PLXNB1: variants seen among roughly 807,000 people sequenced by gnomAD.
PLXNB1 encodes plexin-B1.
PLXNB1 carries 106 observed loss-of-function variants against 209.4 expected under a neutral mutation model. That is an observed-to-expected ratio of 0.51 (90% confidence interval 0.43 to 0.59). The LOEUF is 0.59. PLXNB1 is among the 20% of genes least tolerant of loss of function. PLXNB1 has a pLI of 0.00. For missense variants in PLXNB1, 2,357 were observed against 2,853.2 expected, an observed-to-expected ratio of 0.83 and a Z score of 3.96; for synonymous variants, 1,167 against 1,183.2, an observed-to-expected ratio of 0.99 and a Z score of 0.28.
rs759171745 is a variant in PLXNB1, at chr3:48,416,322, G to A, written c.3480+24C>T. ...CAGAGAGGTTGGCCCGCTGGCAGCTGGGGGTGGCTCAGCAGTCAGGTACCT... is the reference window on the plus strand; with the variant it reads ...CAGAGAGGTTGGCCCGCTGGCAGCTAGGGGTGGCTCAGCAGTCAGGTACCT... On this transcript the variant is annotated intron_variant, in intron 17 of 37. Coordinates refer to ENST00000296440, the MANE Select transcript of PLXNB1 (RefSeq NM_001130082.3). The surrounding 1 kb of genome is among the most constrained non-coding windows in gnomAD (Gnocchi z 4.1). The A allele has an allele frequency of 3.8e-6, 6 of 1,586,750 alleles. No individual in the cohort carries two copies. Among genetic ancestry groups the A allele is most frequent in the Non-Finnish European group, 4.3e-6 (5 of 1,157,934 alleles).
chr3:48,422,063 G>T, intron 6 of PLXNB1, 42 bp downstream of exon 6: 1 of 1,536,958 alleles, frequency 6.5e-7, no homozygotes, highest in South Asian at 1.1e-5. Context: ...CAGGAGCATT[G>T]TGGGCTTGAG....
At position 48,415,826 on chromosome 3, in the gene PLXNB1, A is replaced by T. The variant is rs112725700; in HGVS notation, c.3618-67T>A. On this transcript the variant is annotated intron_variant, in intron 18 of 37. Transcript: ENST00000296440. The surrounding 1 kb of genome is among the most constrained non-coding windows in gnomAD (Gnocchi z 5.0). ...GAAAACTTGGACCACTCAGGCCCCAACTGGCTTCCCTCAAGCGCTGACTGC... is the reference window on the plus strand; with the variant it reads ...GAAAACTTGGACCACTCAGGCCCCATCTGGCTTCCCTCAAGCGCTGACTGC... 289 of 1,459,780 alleles carry T rather than the reference A, an allele frequency of 2.0e-4. No homozygotes were observed. In the African/African-American group the frequency reaches 3.2e-3, roughly 16 times the overall value. 90.4% of individuals were successfully genotyped at this position (1,459,780 alleles called of 1,614,324 possible). A position where few individuals can be genotyped will look rare whatever the true frequency, so the allele number is the denominator to read the frequency against.
In PLXNB1 at chr3:48,412,881, G is replaced by C. The variant is rs771895126; in HGVS notation, c.4715C>G (p.Ala1572Gly). 2 of 1,613,794 alleles carry C rather than the reference G, an allele frequency of 1.2e-6. No individual in the cohort carries two copies. Among genetic ancestry groups the C allele is most frequent in the African/African-American group, 2.7e-5 (2 of 74,898 alleles). ...GIPFLDYKVY[A>G]ERIFFPGHRE... ...GTGCCCAGGGAAGAAGATCCTCTCC[G>C]CATACACCTTGTAGTCGAGGAAGGG... is the stretch of plus-strand genomic sequence containing the variant. Residue 1572 changes from alanine (A) to glycine (G), a missense_variant, in exon 25 of 38, where the codon GCG (alanine) becomes GGG (glycine). By Grantham distance (60) the Ala-to-Gly change is moderately conservative (BLOSUM62 0). Around this residue, in one of 7 missense-constraint regions of PLXNB1, gnomAD observed 743 missense variants for 896.2 expected, o/e 0.83. Coordinates refer to ENST00000296440, the MANE Select transcript of PLXNB1 (RefSeq NM_001130082.3).
Position 48,418,356 on chromosome 3 carries a change from C to T in PLXNB1, c.3057G>A (p.Leu1019=), listed in dbSNP as rs755408477. 3 of 1,613,682 alleles carry T rather than the reference C, an allele frequency of 1.9e-6. No homozygotes were observed. Among genetic ancestry groups the T allele is most frequent in the Non-Finnish European group, 2.5e-6 (3 of 1,180,026 alleles). ...CTCCATGTCCCACGGAACAGTCATA[C>T]AGTACCACTGGGGGTGGCAGAGACA... ...VDSAEGLHVV[L]YDCSVGHGDC... The change falls in exon 15 of 38, where the codon CTG becomes CTA. Residue 1019 remains leucine, a synonymous_variant. Coordinates refer to ENST00000296440, the MANE Select transcript of PLXNB1 (RefSeq NM_001130082.3). The surrounding 1 kb of genome is among the most constrained non-coding windows in gnomAD (Gnocchi z 6.6).
At position 48,414,996 on chromosome 3, in the gene PLXNB1, G is replaced by T. The variant is rs369371211; in HGVS notation, c.4012C>A (p.Arg1338Ser). 1 of 1,613,622 alleles carries T rather than the reference G, an allele frequency of 6.2e-7. No individual in the cohort carries two copies. Among genetic ancestry groups the T allele is most frequent in the Non-Finnish European group, 8.5e-7 (1 of 1,179,998 alleles). Residue 1338 changes from arginine (R) to serine (S), a missense_variant, in exon 21 of 38, where the codon CGC becomes AGC. Arg to Ser is a moderately radical substitution (Grantham distance 110). Transcript: ENST00000296440. ...GGCAGGCCTGGGAGGGCAGGTGTGC[G>T]GCACGTGATGAGCTGGGAGGAGTTG... The part of the protein sequence containing the change: ...HVNSSQLITC[R>S]TPALPGLPED...
Position 48,421,791 on chromosome 3 carries a change from A to T in PLXNB1, c.1536T>A (p.Ser512=). ...CVLLGRCSRR[S]ECSRGQGPEQ... ...CTGGGCCCTGGCCCCTCGAGCACTCAGAACGGCGACTGCACCTGGGCGAGA... is the reference window on the plus strand; with the variant it reads ...CTGGGCCCTGGCCCCTCGAGCACTCTGAACGGCGACTGCACCTGGGCGAGA... The change falls in exon 7 of 38, where the codon TCT becomes TCA. Residue 512 remains serine, a synonymous_variant. Coordinates refer to ENST00000296440, the MANE Select transcript of PLXNB1 (RefSeq NM_001130082.3). 6.2e-7 allele frequency: 1 copy of T among 1,600,302 alleles called. No homozygotes were observed. The highest frequency in any genetic ancestry group is 8.6e-7 in the Non-Finnish European group (1 of 1,169,202).
In PLXNB1 at chr3:48,419,968, G is replaced by A. The variant is rs144322613; in HGVS notation, c.2318C>T (p.Pro773Leu). ...SPQNGPGTAV[P>L]APTDFRPSAT... ...TGAGGGTCTGAAGTCAGTGGGGGCA[G>A]GGACAGCGGTTCCAGGTCCATTTTG... The change falls in exon 11 of 38, where the codon CCT (proline) becomes CTT (leucine). Residue 773 changes from proline (P) to leucine (L), a missense_variant. Coordinates refer to ENST00000296440, the MANE Select transcript of PLXNB1 (RefSeq NM_001130082.3). This position sits in a 1 kb window ranked among gnomAD's most constrained non-coding sequence, Gnocchi z 5.7. 1.3e-4 allele frequency: 210 copies of A among 1,587,756 alleles called. No individual in the cohort carries two copies. The African/African-American group carries it at 2.1e-3, about 16-fold the overall frequency.
At chr3:48,421,999 CA>C (rs1220029373) in intron 6 of PLXNB1, 105 bp downstream of exon 6, 7 of 1,296,108 alleles carry the variant, frequency 5.4e-6, no homozygotes, top group Non-Finnish European at 6.6e-6. Flanking sequence ...GTCTGGGGAT[CA>C]GGGGTTGAGA....
At position 48,411,127 on chromosome 3, in the gene PLXNB1, G is replaced by T; in HGVS notation, c.5248-91C>A. The T allele has an allele frequency of 8.8e-7, 1 of 1,130,192 alleles. No homozygotes were observed. The highest frequency in any genetic ancestry group is 1.3e-6 in the Non-Finnish European group (1 of 798,492). The allele number at this position is 1,130,192 out of a possible 1,614,324, so 70.0% of individuals were successfully genotyped here. On this transcript the variant is annotated intron_variant, in intron 28 of 37. Transcript: ENST00000296440. This position sits in a 1 kb window ranked among gnomAD's most constrained non-coding sequence, Gnocchi z 4.0. ...GGGCAGAGACAACTCATGAGAAACT[G>T]CTGCCTCCAATCCCCACGCACCACA...
At position 48,415,910 on chromosome 3, in the gene PLXNB1, G is replaced by C. The variant is rs2038061686; in HGVS notation, c.3617+121C>G. 6 of 1,370,102 alleles carry C rather than the reference G, an allele frequency of 4.4e-6. No homozygotes were observed. Among genetic ancestry groups the C allele is most frequent in the Non-Finnish European group, 6.0e-6 (6 of 1,007,538 alleles). 84.9% of individuals were successfully genotyped at this position (1,370,102 alleles called of 1,614,324 possible). ...CACCACAGCTGGCTAGGGAGGGTCT[G>C]GCCACTCTCTGAAGGAGCAGACTGG... On this transcript the variant is annotated intron_variant, in intron 18 of 37. Coordinates refer to ENST00000296440, the MANE Select transcript of PLXNB1 (RefSeq NM_001130082.3). This position sits in a 1 kb window ranked among gnomAD's most constrained non-coding sequence, Gnocchi z 5.0.
At position 48,410,600 on chromosome 3, in the gene PLXNB1, C is replaced by A. The variant is rs902432159; in HGVS notation, c.5417-42G>T. The A allele has an allele frequency of 3.9e-6, 6 of 1,524,612 alleles. No individual in the cohort carries two copies. The highest frequency in any genetic ancestry group is 3.4e-5 in the Admixed American group (2 of 59,682). 94.4% of individuals were successfully genotyped at this position (1,524,612 alleles called of 1,614,324 possible). On this transcript the variant is annotated intron_variant, in intron 29 of 37. Coordinates refer to ENST00000296440, the MANE Select transcript of PLXNB1 (RefSeq NM_001130082.3). The surrounding 1 kb of genome is among the most constrained non-coding windows in gnomAD (Gnocchi z 6.4). ...GAACTGGGTGCAGGGCTGGAAGATA[C>A]CCTTCCCATAGTGGAGCCCATCTCC...
chr3:48,420,092 G>T lies in PLXNB1; in HGVS notation c.2194C>A (p.Leu732Met). The T allele has an allele frequency of 6.2e-7, 1 of 1,613,580 alleles. No homozygotes were observed. Among genetic ancestry groups the T allele is most frequent in the Non-Finnish European group, 8.5e-7 (1 of 1,179,924 alleles). The change falls in exon 11 of 38, where the codon CTG (leucine) becomes ATG (methionine). Residue 732 changes from leucine (L) to methionine (M), a missense_variant. Transcript: ENST00000296440. ...SDISPGASPS[L>M]LSPWGPWAGS... is the part of the protein sequence containing the mutation. ...GCCCATGGCCCCCAGGGGCTGAGCA[G>T]GGAAGGACTAGCCCCAGGTGAGATG... is the stretch of plus-strand genomic sequence containing the variant.
chr3:48,421,143 C>G (rs991957589), intron 8 of PLXNB1, 85 bp downstream of exon 8: 13 of 1,508,676 alleles, frequency 8.6e-6, no homozygotes, highest in Non-Finnish European at 1.2e-5. Flanking sequence ...ATTCATGGCT[C>G]TTTGCCTGGA....
In PLXNB1 at chr3:48,418,575, A is replaced by G. The variant is rs1366853950; in HGVS notation, c.2956-33T>C. The G allele has an allele frequency of 1.3e-6, 2 of 1,536,334 alleles. No homozygotes were observed. Among genetic ancestry groups the G allele is most frequent in the Non-Finnish European group, 1.8e-6 (2 of 1,129,148 alleles). On this transcript the variant is annotated intron_variant, in intron 13 of 37. Transcript: ENST00000296440. This position sits in a 1 kb window ranked among gnomAD's most constrained non-coding sequence, Gnocchi z 6.6. ...AATGGGAGTGGGTTCAGAGTCAAGCACTGGGGGAAGTGTCAGGCCTGGGGA... is the reference window on the plus strand; with the variant it reads ...AATGGGAGTGGGTTCAGAGTCAAGCGCTGGGGGAAGTGTCAGGCCTGGGGA...
chr3:48,411,041 G>A lies in PLXNB1; in HGVS notation c.5248-5C>T. ...AGCCAATAGTGCATTCAAGGTCTGT[G>A]CAGGACACACAGGAGCCATCAGGGT... On this transcript the variant is annotated splice_region_variant and splice_polypyrimidine_tract_variant and intron_variant, in intron 28 of 37. Coordinates refer to ENST00000296440, the MANE Select transcript of PLXNB1 (RefSeq NM_001130082.3). The surrounding 1 kb of genome is among the most constrained non-coding windows in gnomAD (Gnocchi z 4.0). The A allele has an allele frequency of 6.2e-7, 1 of 1,610,032 alleles. No individual in the cohort carries two copies. The highest frequency in any genetic ancestry group is 8.5e-7 in the Non-Finnish European group (1 of 1,177,540).
In PLXNB1 at chr3:48,417,123, G is replaced by C. The variant is rs1257555763; in HGVS notation, c.3375-672C>G. ...CTTCATAAATCACAGCAGTCTTATG[G>C]TCTGGAACACTAACAGTCTAGATAG... On this transcript the variant is annotated intron_variant, in intron 16 of 37. Coordinates refer to ENST00000296440, the MANE Select transcript of PLXNB1 (RefSeq NM_001130082.3). The surrounding 1 kb of genome is among the most constrained non-coding windows in gnomAD (Gnocchi z 4.4). Among the ~76,000 whole-genome samples, 1 of 152,182 alleles carries C rather than the reference G, an allele frequency of 6.6e-6. No individual in the cohort carries two copies. The highest frequency in any genetic ancestry group is 6.5e-5 in the Admixed American group (1 of 15,282).
At position 48,417,778 on chromosome 3, in the gene PLXNB1, G is replaced by A. The variant is rs112675048; in HGVS notation, c.3374+133C>T. ...GTCTTCAGTGGCAACGCTGGCACTC[G>A]GGCATTGTGGCCAGGATCAAGGAAC... On this transcript the variant is annotated intron_variant, in intron 16 of 37. Coordinates refer to ENST00000296440, the MANE Select transcript of PLXNB1 (RefSeq NM_001130082.3). The surrounding 1 kb of genome is among the most constrained non-coding windows in gnomAD (Gnocchi z 4.4). 50 of 990,342 alleles carry A rather than the reference G, an allele frequency of 5.0e-5. No homozygotes were observed. Among genetic ancestry groups the A allele is most frequent in the South Asian group, 3.2e-4 (20 of 63,386 alleles). 61.3% of individuals were successfully genotyped at this position (990,342 alleles called of 1,614,324 possible).
At position 48,409,875 on chromosome 3, in the gene PLXNB1, G is replaced by A; in HGVS notation, c.5778+30C>T. The A allele has an allele frequency of 6.3e-7, 1 of 1,575,290 alleles. No individual in the cohort carries two copies. The highest frequency in any genetic ancestry group is 8.6e-7 in the Non-Finnish European group (1 of 1,165,734). On this transcript the variant is annotated intron_variant, in intron 32 of 37. Transcript: ENST00000296440. The surrounding 1 kb of genome is among the most constrained non-coding windows in gnomAD (Gnocchi z 5.8). ...AGTGGCCATGCTCCCTCTCAGCCCA[G>A]GCCCCACTACCTTGGCAGCCCCACC...
In PLXNB1 at chr3:48,406,086, C is replaced by T; in HGVS notation, c.6229-288G>A. 2.7e-6 allele frequency: 1 copy of T among 364,754 alleles called. No homozygotes were observed. Among genetic ancestry groups the T allele is most frequent in the South Asian group, 2.6e-5 (1 of 38,452 alleles). The allele number at this position is 364,754 out of a possible 1,614,324, so 22.6% of individuals were successfully genotyped here. On this transcript the variant is annotated intron_variant, in intron 36 of 37. Transcript: ENST00000296440. The surrounding 1 kb of genome is among the most constrained non-coding windows in gnomAD (Gnocchi z 4.4). ...GGGTTTCCACTGAAGCCCTGCCTCTCTCACCCCCTTGAGGTTCTAGCCCAG... is the reference window on the plus strand; with the variant it reads ...GGGTTTCCACTGAAGCCCTGCCTCTTTCACCCCCTTGAGGTTCTAGCCCAG...
Sources: allele counts gnomAD v4.1 joint callset (sites outside exome capture counted in the v4.1 genomes callset), GRCh38; gene constraint gnomAD v4.1.1; regional missense constraint gnomAD v4.1.1; non-coding constraint Gnocchi (gnomAD v3.1); transcripts MANE v1.5; gene names NCBI Gene and HGNC (gene_info 2026-07-23, HGNC 2026-07-21).